CRTAP: variants seen among roughly 807,000 people sequenced by gnomAD.
CRTAP encodes cartilage associated protein, also known as cartilage-associated protein.
A neutral mutation model predicts 42.7 loss-of-function variants in CRTAP; 33 were observed. The ratio of observed to expected loss-of-function variants is 0.77; its 90% CI spans 0.59 to 1.03. The LOEUF is 1.03. CRTAP is among the 50% of genes least tolerant of loss of function. The probability of loss-of-function intolerance (pLI) is 0.00; values close to 1 mark genes in which losing one functional copy is unlikely to be tolerated. For synonymous variants in CRTAP, 243 were observed against 217.7 expected (o/e 1.12, Z -1.02); for missense variants, 613 against 533.9 (o/e 1.15, Z -1.46).
In CRTAP at chr3:33,134,121, C is replaced by T. The variant is rs572330128; in HGVS notation, c.1069-61C>T. On this transcript the variant is annotated intron_variant, in intron 5 of 6. Coordinates refer to ENST00000320954, the MANE Select transcript of CRTAP (RefSeq NM_006371.5). ...AAAACCCCATATCCTGTTCCTCCCTCCTCCCAGTTCTAAGATGAAAAGGTT... is the reference window on the plus strand; with the variant it reads ...AAAACCCCATATCCTGTTCCTCCCTTCTCCCAGTTCTAAGATGAAAAGGTT... The T allele has an allele frequency of 3.9e-5, 45 of 1,141,096 alleles. 1 individual carries two copies. The South Asian group carries it at 5.0e-4, about 13-fold the overall frequency. The allele number at this position is 1,141,096 out of a possible 1,614,324, so 70.7% of individuals were successfully genotyped here. A position where few individuals can be genotyped will look rare whatever the true frequency, so the allele number is the denominator to read the frequency against.
chr3:33,115,923 TA>T lies in CRTAP; in HGVS notation c.471+1384del, dbSNP rs11372883. ...TTTTGTGAATGTTTGTTCTGGCAATTAAAAAAAAACAGTTTTAAAACAGAAG... is the reference window on the plus strand; with the variant it reads ...TTTTGTGAATGTTTGTTCTGGCAATTAAAAAAAACAGTTTTAAAACAGAAG... On this transcript the variant is annotated intron_variant, in intron 1 of 6. Transcript: ENST00000320954. 9.8e-4 allele frequency among the ~76,000 whole-genome samples: 148 copies of T among 151,162 alleles called. 1 individual carries two copies. The highest frequency in any genetic ancestry group is 3.0e-3 in the African/African-American group (124 of 41,246).
rs148474762 is a variant in CRTAP, at chr3:33,130,035, T to C, written c.890T>C (p.Met297Thr). Residue 297 changes from methionine to threonine, a missense_variant, in exon 4 of 7, where the codon ATG becomes ACG. Physicochemically the swap from Met to Thr is moderately conservative, Grantham distance 81. Transcript: ENST00000320954. Reference protein sequence around the residue: ...GYPVEKFVATMYHYLQFAYYK... With the variant: ...GYPVEKFVATTYHYLQFAYYK... ...CCGGTTGAGAAATTTGTGGCTACCATGTATCATTACTTGCAGTTTGCCTAT... is the reference window on the plus strand; with the variant it reads ...CCGGTTGAGAAATTTGTGGCTACCACGTATCATTACTTGCAGTTTGCCTAT... 6 of 1,613,754 alleles carry C rather than the reference T, an allele frequency of 3.7e-6. No homozygotes were observed. The highest frequency in any genetic ancestry group is 5.1e-6 in the Non-Finnish European group (6 of 1,179,782).
rs1332759587 is a variant in CRTAP, at chr3:33,140,907, AGTT to A, written c.1153-1484_1153-1482del. Among the ~76,000 whole-genome samples the A allele has an allele frequency of 2.0e-5, 3 of 152,244 alleles. No homozygotes were observed. In the South Asian group the frequency reaches 6.2e-4, roughly 32 times the overall value. On this transcript the variant is annotated intron_variant, in intron 6 of 6. Coordinates refer to ENST00000320954, the MANE Select transcript of CRTAP (RefSeq NM_006371.5). ...CTCTGGAGCATGAATTGCACCACAG[AGTT>A]GTTCTTGCCTTTTGTAGTCCCCCTT...
rs142090883 is a variant in CRTAP at position 33,120,386 on chromosome 3, C to G, written c.514C>G (p.Leu172Val). The change falls in exon 2 of 7, where the codon CTA (leucine) becomes GTA (valine). Residue 172 changes from leucine (L) to valine (V), a missense_variant. Transcript: ENST00000320954. The stretch of plus-strand genomic sequence containing the variant: ...AGCCATCGCCGCTGCTCACACCTTT[C>G]TACTGAAGCATCCTGATGACGAAAT... ...PKAIAAAHTF[L>V]LKHPDDEMMK... 27 of 1,614,192 alleles carry G rather than the reference C, an allele frequency of 1.7e-5. No individual in the cohort carries two copies. The African/African-American group carries it at 3.6e-4, about 22-fold the overall frequency.
At chr3:33,133,521 AT>A (rs10714866) in intron 5 of CRTAP, among the ~76,000 whole-genome samples, 115,724 of 151,944 alleles carry the variant, frequency 0.76, 44,595 homozygotes, top group East Asian at 0.96. Context: ...AAGTGCTGGG[AT>A]TTACAGGCAT....
intron 3 of CRTAP, among the ~76,000 whole-genome samples, chr3:33,129,112 C>T (rs1470269470): frequency 6.6e-6 from 1 of 152,154 alleles, no homozygotes; most frequent in Non-Finnish European, 1.5e-5. Flanking sequence ...TTGTTATAAA[C>T]AGTGTTTATG....
Position 33,120,349 on chromosome 3 carries a change from T to C in CRTAP, c.477T>C (p.Asn159=). The C allele has an allele frequency of 6.2e-7, 1 of 1,614,038 alleles. No individual in the cohort carries two copies. Among genetic ancestry groups the C allele is most frequent in the East Asian group, 2.2e-5 (1 of 44,880 alleles). ...TATGTTCTTTGTCCTTTTAGGCAAATAATCTCCCCAAAGCCATCGCCGCTG... is the reference window on the plus strand; with the variant it reads ...TATGTTCTTTGTCCTTTTAGGCAAACAATCTCCCCAAAGCCATCGCCGCTG... ...KFLQFAYFKA[N]NLPKAIAAAH... is the part of the protein sequence containing the mutation. The change falls in exon 2 of 7, where the codon AAT becomes AAC. Residue 159 remains asparagine, a synonymous_variant. Transcript: ENST00000320954.
At chr3:33,127,341 C>T (rs2030102996) in intron 3 of CRTAP, among the ~76,000 whole-genome samples, 2 of 152,196 alleles carry the variant, frequency 1.3e-5, no homozygotes, top group South Asian at 2.1e-4. Flanking sequence ...CTCTCATGTA[C>T]ACCTTACCTA....
Position 33,114,067 on chromosome 3 carries a change from C to G in CRTAP, c.-11C>G. The G allele has an allele frequency of 6.9e-7, 1 of 1,457,148 alleles. No individual in the cohort carries two copies. Among genetic ancestry groups the G allele is most frequent in the Non-Finnish European group, 9.0e-7 (1 of 1,110,480 alleles). The allele number at this position is 1,457,148 out of a possible 1,614,324, so 90.3% of individuals were successfully genotyped here. ...CCTTCGTCCCTTCCTTCCTTCCTTT[C>G]GCCGGGCGCGATGGAGCCGGGGCGC... On this transcript the variant is annotated 5_prime_UTR_variant, in exon 1 of 7. Transcript: ENST00000320954.
chr3:33,114,630 G>T (rs911685787), intron 1 of CRTAP, 82 bp downstream of exon 1: 5 of 1,363,712 alleles, frequency 3.7e-6, no homozygotes, highest in African/African-American at 2.9e-5. Context: ...CTGCGCCCGG[G>T]GCCGCGTTGC....
chr3:33,124,416 C>A lies in CRTAP; in HGVS notation c.630C>A (p.Phe210Leu). Residue 210 changes from phenylalanine to leucine, a missense_variant, in exon 3 of 7, where the codon TTC becomes TTA. Transcript: ENST00000320954. ...TTCTCCATGCCTTTCAGAGCCTGTT[C>A]ATCCGAGCAGTGCGGGCATACAACG... The part of the protein sequence containing the change: ...DLETKSYESL[F>L]IRAVRAYNGE... The A allele has an allele frequency of 6.2e-7, 1 of 1,614,104 alleles. No homozygotes were observed. The highest frequency in any genetic ancestry group is 1.1e-5 in the South Asian group (1 of 91,070).
At chr3:33,132,756 T>G in intron 5 of CRTAP, 56 bp downstream of exon 5, 3 of 1,598,202 alleles carry the variant, frequency 1.9e-6, no homozygotes, top group Non-Finnish European at 2.6e-6. Context: ...TTCTGGAGAC[T>G]ACCTCGTGCC....
Position 33,144,641 on chromosome 3 carries a change from G to C in CRTAP, c.*2193G>C, listed in dbSNP as rs970605249. 6.6e-6 allele frequency: 1 copy of C among 152,328 alleles called. No homozygotes were observed. The highest frequency in any genetic ancestry group is 1.5e-5 in the Non-Finnish European group (1 of 68,172). 9.4% of individuals were successfully genotyped at this position (152,328 alleles called of 1,614,324 possible). ...GGGTCCTGGGCACTGGCTGTGTGAA[G>C]GGATCTGGCAGGGCACCACAGCGCC... On this transcript the variant is annotated 3_prime_UTR_variant, in exon 7 of 7. Coordinates refer to ENST00000320954, the MANE Select transcript of CRTAP (RefSeq NM_006371.5).
chr3:33,141,525 T>A (rs1271036635), intron 6 of CRTAP, among the ~76,000 whole-genome samples: 2 of 152,230 alleles, frequency 1.3e-5, no homozygotes, highest in African/African-American at 4.8e-5. Context: ...TTTCTCTGTG[T>A]TAAAACATCA....
chr3:33,117,774 A>T (rs11129545), intron 1 of CRTAP, among the ~76,000 whole-genome samples: 1 of 151,964 alleles, frequency 6.6e-6, no homozygotes, highest in African/African-American at 2.4e-5. Context: ...ACCTTCTCCA[A>T]AATCTGCCTG....
In CRTAP at chr3:33,130,105, A is replaced by C. The variant is rs1337005320; in HGVS notation, c.922+38A>C. On this transcript the variant is annotated intron_variant, in intron 4 of 6. Coordinates refer to ENST00000320954, the MANE Select transcript of CRTAP (RefSeq NM_006371.5). ...CTGTGACATCTTGGGTGAGGCACTT[A>C]GTCCTTCTAAGACTGTAAAATAGAG... The C allele has an allele frequency of 2.5e-6, 4 of 1,596,084 alleles. No homozygotes were observed. The Admixed American group carries it at 6.7e-5, about 27-fold the overall frequency.
At chr3:33,121,774 T>A (rs1375981195) in intron 2 of CRTAP, among the ~76,000 whole-genome samples, 2 of 152,092 alleles carry the variant, frequency 1.3e-5, no homozygotes, top group East Asian at 3.9e-4. Flanking sequence ...TCAGCCTTTA[T>A]GGGTAAAGTC....
chr3:33,136,121 G>A (rs2125605378), intron 6 of CRTAP, among the ~76,000 whole-genome samples: 1 of 152,310 alleles, frequency 6.6e-6, no homozygotes, highest in African/African-American at 2.4e-5. Flanking sequence ...TTTGCCTGTT[G>A]TGGACATTTC....
intron 2 of CRTAP, among the ~76,000 whole-genome samples, chr3:33,122,598 A>G (rs2029912780): frequency 6.6e-6 from 1 of 150,756 alleles, no homozygotes; most frequent in Non-Finnish European, 1.5e-5. Flanking sequence ...AATCCTAGCT[A>G]CTCGGGAGAC....
Sources: gnomAD v4.1 joint callset for allele counts (sites outside exome capture counted in the v4.1 genomes callset) on GRCh38, gnomAD v4.1.1 for gene constraint, MANE v1.5 for transcripts, NCBI Gene and HGNC (gene_info 2026-07-23, HGNC 2026-07-21) for gene names.